ERMP1: variants seen among roughly 807,000 people sequenced by gnomAD.
ERMP1 encodes Felix-ina.
ERMP1 carries 86 observed loss-of-function variants against 92.0 expected under a neutral mutation model. The ratio of observed to expected loss-of-function variants is 0.93; its 90% CI spans 0.79 to 1.12. The LOEUF (loss-of-function observed/expected upper bound fraction) is 1.12, where lower values mean the gene tolerates loss of function less well. ERMP1 is among the 50% of genes most tolerant of loss of function. The pLI is 0.00. For missense variants in ERMP1, 1,342 were observed against 1,116.3 expected (o/e 1.20, Z -2.88); for synonymous variants, 530 against 412.8 (o/e 1.28, Z -3.44).
intron 3 of ERMP1, 86 bp from the exon 4 acceptor site, chr9:5,824,087 T>C: frequency 1.0e-6 from 1 of 970,162 alleles, no homozygotes; most frequent in Non-Finnish European, 1.6e-6. Flanking sequence ...AGAGACTACT[T>C]TGATGAGGTA....
At chr9:5,851,464 G>C (rs574602900) in intron 6 of ERMP1, among the ~76,000 whole-genome samples, 14 of 152,270 alleles carry the variant, frequency 9.2e-5, no homozygotes, top group African/African-American at 2.9e-4. Context: ...GAGCATGCAA[G>C]AAAGATGGAG....
chr9:5,806,227 G>A (rs1178741713), intron 8 of ERMP1, among the ~76,000 whole-genome samples: 1 of 152,120 alleles, frequency 6.6e-6, no homozygotes. Flanking sequence ...GAAAACTGCA[G>A]CACCTTTAAA....
chr9:5,804,460 G>A (rs1396569301), intron 10 of ERMP1, among the ~76,000 whole-genome samples: 1 of 152,210 alleles, frequency 6.6e-6, no homozygotes, highest in Non-Finnish European at 1.5e-5. Flanking sequence ...ACGGCAAAAT[G>A]AGGACTGACA....
chr9:5,793,599 A>G (rs1828293720), intron 13 of ERMP1, among the ~76,000 whole-genome samples: 1 of 152,102 alleles, frequency 6.6e-6, no homozygotes, highest in Non-Finnish European at 1.5e-5. Flanking sequence ...CAGTGGATGG[A>G]GAACATTATA....
At position 5,861,193 on chromosome 9, in the gene ERMP1, G is replaced by GTGTGTGTGTGTGTA. The variant is rs1378438376; in HGVS notation, n.3056-1583_3056-1582insTACACACACACACA. ...GGGGTGTGTGTGTGTGTGTGTGTGT[G>GTGTGTGTGTGTGTA]TGTGTGTGTGTGTGTGTGTGTGTGT... On this transcript the variant is annotated intron_variant and non_coding_transcript_variant, in intron 5 of 6. Coordinates refer to the ERMP1 transcript ENST00000690753. Among the ~76,000 whole-genome samples, 24 of 149,162 alleles carry GTGTGTGTGTGTGTA rather than the reference G, an allele frequency of 1.6e-4. 1 individual carries two copies. The highest frequency in any genetic ancestry group is 1.3e-3 in the South Asian group (6 of 4,620).
At position 5,789,847 on chromosome 9, in the gene ERMP1, C is replaced by CTTTTT. The variant is rs35893609; in HGVS notation, c.2387-2259_2387-2255dup. On this transcript the variant is annotated intron_variant, in intron 13 of 14. Transcript: ENST00000339450. ...TACAGATGCATGCTACAAACCTGGC[C>CTTTTT]TTTTTTTTTTTTTTTTGGTAGAGAT... Among the ~76,000 whole-genome samples, 38 of 136,622 alleles carry CTTTTT rather than the reference C, an allele frequency of 2.8e-4. 1 individual carries two copies. Among genetic ancestry groups the CTTTTT allele is most frequent in the East Asian group, 1.3e-3 (6 of 4,508 alleles). 89.6% of individuals were successfully genotyped at this position (136,622 alleles called of 152,430 possible). A position where few individuals can be genotyped will look rare whatever the true frequency, so the allele number is the denominator to read the frequency against.
At chr9:5,816,470 A>C (rs1829309637) in intron 4 of ERMP1, among the ~76,000 whole-genome samples, 1 of 152,172 alleles carries the variant, frequency 6.6e-6, no homozygotes, top group Non-Finnish European at 1.5e-5. Flanking sequence ...ACTTGGTTGG[A>C]AAGTATTATC....
intron 11 of ERMP1, 136 bp from the exon 12 acceptor site, chr9:5,799,144 C>A: frequency 6.5e-6 from 4 of 616,816 alleles, no homozygotes; most frequent in Non-Finnish European, 1.1e-5. Flanking sequence ...CTGAGAGTTT[C>A]TAAGGTACTG....
At chr9:5,803,408 T>C (rs975676518) in intron 10 of ERMP1, among the ~76,000 whole-genome samples, 6 of 152,228 alleles carry the variant, frequency 3.9e-5, no homozygotes, top group Non-Finnish European at 8.8e-5. Context: ...TAATCCTCTT[T>C]CTTCTGGTTT....
At chr9:5,820,250 G>C (rs1164758070) in intron 4 of ERMP1, among the ~76,000 whole-genome samples, 4 of 152,132 alleles carry the variant, frequency 2.6e-5, no homozygotes, top group African/African-American at 9.7e-5. Context: ...AGTGAGCTGA[G>C]ATCGCGTCAC....
At position 5,830,869 on chromosome 9, in the gene ERMP1, G is replaced by C; in HGVS notation, c.498C>G (p.Gly166=). 1 of 1,614,112 alleles carries C rather than the reference G, an allele frequency of 6.2e-7. No individual in the cohort carries two copies. The highest frequency in any genetic ancestry group is 8.5e-7 in the Non-Finnish European group (1 of 1,179,992). Reference sequence around the variant, plus strand: ...CTCCCAAGAAATCAATGCTAAAAGAGCCTGTGGGCCGTTGTACATCTACTG... The same window carrying C: ...CTCCCAAGAAATCAATGCTAAAAGACCCTGTGGGCCGTTGTACATCTACTG... ...KISVDVQRPT[G]SFSIDFLGGF... is the part of the protein sequence containing the mutation. Residue 166 remains glycine, a synonymous_variant, in exon 2 of 15, where the codon GGC becomes GGG. Coordinates refer to ENST00000339450, the MANE Select transcript of ERMP1 (RefSeq NM_024896.3).
At chr9:5,823,516 C>T (rs747720931) in intron 4 of ERMP1, among the ~76,000 whole-genome samples, 5 of 152,082 alleles carry the variant, frequency 3.3e-5, no homozygotes, top group African/African-American at 7.2e-5. Flanking sequence ...TTTCTGGACC[C>T]GGACTGTCTA....
chr9:5,845,159 GT>G (rs1830220635), intron 6 of ERMP1, among the ~76,000 whole-genome samples: 1 of 139,502 alleles, frequency 7.2e-6, no homozygotes, highest in African/African-American at 2.7e-5. Context: ...TTTTTTTGTT[GT>G]TGTGGTGGTG....
upstream of ERMP1, among the ~76,000 whole-genome samples, chr9:5,834,157 C>T (rs1415562071): frequency 2.6e-5 from 4 of 152,230 alleles, no homozygotes; most frequent in Admixed American, 6.5e-5. Context: ...CCACACTGGC[C>T]TCTTTCAAAG....
intron 5 of ERMP1, among the ~76,000 whole-genome samples, chr9:5,861,170 GGTGTGTGTGTGT>G (rs35593711): frequency 1.3e-4 from 13 of 102,078 alleles, no homozygotes; most frequent in Non-Finnish European, 1.8e-4. Flanking sequence ...TGGCTTAGGG[GGTGTGTGTGTGT>G]GTGTGTGTGT....
upstream of ERMP1, among the ~76,000 whole-genome samples, chr9:5,836,935 C>T (rs1055615147): frequency 6.6e-6 from 1 of 152,130 alleles, no homozygotes; most frequent in Non-Finnish European, 1.5e-5. Flanking sequence ...TTTAACCCCC[C>T]CTCAAATTCT....
At chr9:5,854,102 G>C (rs1830342872) in intron 6 of ERMP1, among the ~76,000 whole-genome samples, 2 of 151,760 alleles carry the variant, frequency 1.3e-5, no homozygotes. Context: ...AAAAGAAAGG[G>C]GTTTGGGCTC....
At chr9:5,854,005 AGAAGT>A (rs1830341659) in intron 6 of ERMP1, among the ~76,000 whole-genome samples, 1 of 152,054 alleles carries the variant, frequency 6.6e-6, no homozygotes, top group South Asian at 2.1e-4. Flanking sequence ...TTCACAGAAA[AGAAGT>A]GAAGAGCCAA....
chr9:5,835,453 TA>T (rs1363999338), upstream of ERMP1, among the ~76,000 whole-genome samples: 10 of 152,162 alleles, frequency 6.6e-5, no homozygotes, highest in African/African-American at 2.4e-4. Flanking sequence ...GCTGTTTTAT[TA>T]GGGTGATCAG....
Sources: allele counts gnomAD v4.1 joint callset (sites outside exome capture counted in the v4.1 genomes callset), GRCh38; gene constraint gnomAD v4.1.1; transcripts MANE v1.5; gene names NCBI Gene and HGNC (gene_info 2026-07-23, HGNC 2026-07-21).